Variants in KIFC3 observed in about 807,000 individuals in gnomAD.
The protein encoded by KIFC3 is kinesin family member C3.
A neutral mutation model predicts 101.8 loss-of-function variants in KIFC3; 60 were observed. That is an observed-to-expected ratio of 0.59 (90% CI 0.48 to 0.73). The LOEUF (loss-of-function observed/expected upper bound fraction) is 0.73. KIFC3 is among the 30% of genes least tolerant of loss of function. The pLI, the probability that KIFC3 is intolerant of heterozygous loss-of-function variation, is 0.00. For synonymous variants in KIFC3, 476 were observed against 482.7 expected (o/e 0.99, Z 0.18); for missense variants, 966 against 1,137.1 (o/e 0.85, Z 2.16).
At position 57,766,971 on chromosome 16, in the gene KIFC3, G is replaced by A. The variant is rs374180885; in HGVS notation, c.1233C>T (p.Ile411=). ...CCTGGTTGTTGCTGTTGACCTCCTC[G>A]ATGGCCTGGCCTATCTGGTGGGGGG... is the stretch of plus-strand genomic sequence containing the variant. ...RSVKAEIGQA[I]EEVNSNNQEL... The change falls in exon 10 of 20, where the codon ATC becomes ATT. Residue 411 remains isoleucine, a synonymous_variant. Transcript: ENST00000445690. 7 of 1,612,992 alleles carry A rather than the reference G, an allele frequency of 4.3e-6. No homozygotes were observed. The African/African-American group carries it at 6.7e-5, about 15-fold the overall frequency.
upstream of KIFC3, chr16:57,803,383 C>T: frequency 1.7e-6 from 1 of 577,060 alleles, no homozygotes; most frequent in Non-Finnish European, 3.3e-6. Context: ...CCTCACTCTC[C>T]ACACCCCCGG....
intron 1 of KIFC3, among the ~76,000 whole-genome samples, chr16:57,817,709 C>T (rs2149271462): frequency 6.6e-6 from 1 of 152,238 alleles, no homozygotes; most frequent in South Asian, 2.1e-4. Flanking sequence ...TGCAAAGGCC[C>T]AAAAAGGTTC....
intron 1 of KIFC3, among the ~76,000 whole-genome samples, chr16:57,826,674 A>G (rs2055463106): frequency 6.6e-6 from 1 of 152,344 alleles, no homozygotes; most frequent in Middle Eastern, 3.4e-3. Flanking sequence ...GGAAGAGAAC[A>G]GGTGCAGGAA....
At position 57,769,686 on chromosome 16, in the gene KIFC3, C is replaced by T; in HGVS notation, c.1127G>A (p.Arg376Gln). ...TNLLTLQPAL[R>Q]TLTNDYNGLK... ...CCCATTGTAGTCGTTGGTGAGGGTC[C>T]GCAGTGCCGGCTGCAAGGTCAGCAA... Residue 376 changes from arginine to glutamine, a missense_variant, in exon 9 of 20, where the codon CGG becomes CAG. Transcript: ENST00000445690. The surrounding 1 kb of genome is among the most constrained non-coding windows in gnomAD (Gnocchi z 4.3). 1 of 1,612,584 alleles carries T rather than the reference C, an allele frequency of 6.2e-7. No homozygotes were observed. The highest frequency in any genetic ancestry group is 1.1e-5 in the South Asian group (1 of 91,044).
chr16:57,860,078 A>AAAAT (rs1567349165), intron 1 of KIFC3, among the ~76,000 whole-genome samples: 1 of 146,038 alleles, frequency 6.8e-6, no homozygotes, highest in Non-Finnish European at 1.5e-5. Flanking sequence ...AAAATAAAAT[A>AAAAT]AAATAAAATA....
chr16:57,788,245 AC>A (rs1226109137), intron 3 of KIFC3, among the ~76,000 whole-genome samples: 1 of 152,064 alleles, frequency 6.6e-6, no homozygotes, highest in Non-Finnish European at 1.5e-5. Context: ...TGAGGCTGCC[AC>A]CCTCGCCCTG....
intron 3 of KIFC3, chr16:57,782,077 A>G (rs1320577178): frequency 2.6e-5 from 26 of 985,378 alleles, no homozygotes; most frequent in Admixed American, 6.1e-5. Context: ...GAATTCCAGG[A>G]AAGTCCAAGT....
At position 57,758,338 on chromosome 16, in the gene KIFC3, A is replaced by C. The variant is rs2049380172; in HGVS notation, c.*596T>G. On this transcript the variant is annotated 3_prime_UTR_variant, in exon 20 of 20. Transcript: ENST00000445690. ...CAGCGAGCCAGGCAGGTGAGCGAGC[A>C]GCAGAATCCCCCACCCGCTGGCTGC... is the stretch of plus-strand genomic sequence containing the variant. The C allele has an allele frequency of 3.8e-6, 1 of 266,126 alleles. No individual in the cohort carries two copies. Among genetic ancestry groups the C allele is most frequent in the Non-Finnish European group, 7.4e-6 (1 of 134,972 alleles). The allele number at this position is 266,126 out of a possible 1,614,324, so 16.5% of individuals were successfully genotyped here.
chr16:57,785,383 G>A, intron 3 of KIFC3: 3 of 807,982 alleles, frequency 3.7e-6, no homozygotes, highest in South Asian at 2.2e-5. Context: ...GTAGCCTGGT[G>A]GGGTCAGGTG....
intron 18 of KIFC3, 132 bp from the exon 19 acceptor site, chr16:57,759,285 T>G (rs2049516650): frequency 8.2e-6 from 9 of 1,099,216 alleles, no homozygotes; most frequent in Non-Finnish European, 1.2e-5. Flanking sequence ...AAACAGGGGC[T>G]GGAGCCCTGG....
chr16:57,795,443 G>A (rs2054211252), intron 2 of KIFC3, among the ~76,000 whole-genome samples: 1 of 152,246 alleles, frequency 6.6e-6, no homozygotes, highest in African/African-American at 2.4e-5. Context: ...GCAGGCATCT[G>A]CTCAGCAGGG....
intron 1 of KIFC3, among the ~76,000 whole-genome samples, chr16:57,811,642 G>A (rs371159361): frequency 2.0e-5 from 3 of 152,082 alleles, no homozygotes; most frequent in South Asian, 4.2e-4. Flanking sequence ...GGGGCCAAGC[G>A]GAGTGGCTCA....
At position 57,758,793 on chromosome 16, in the gene KIFC3, T is replaced by C. The variant is rs1555591754; in HGVS notation, c.*141A>G. On this transcript the variant is annotated 3_prime_UTR_variant, in exon 20 of 20. Transcript: ENST00000445690. ...GGGGAGACGGGGCAGAAGAAGAGCC[T>C]CCACTCTCGCCTCTACCTCCGGGGG... 1 of 1,310,928 alleles carries C rather than the reference T, an allele frequency of 7.6e-7. No homozygotes were observed. Among genetic ancestry groups the C allele is most frequent in the African/African-American group, 1.4e-5 (1 of 69,152 alleles). The allele number at this position is 1,310,928 out of a possible 1,614,324, so 81.2% of individuals were successfully genotyped here.
intron 1 of KIFC3, among the ~76,000 whole-genome samples, chr16:57,826,123 G>A (rs1389257735): frequency 1.3e-5 from 2 of 152,246 alleles, no homozygotes; most frequent in African/African-American, 4.8e-5. Context: ...AGTGGCTGGA[G>A]GGTCCTTCCC....
Position 57,820,028 on chromosome 16 carries a change from C to T in KIFC3, c.109-21746G>A, listed in dbSNP as rs191963079. 6.1e-3 allele frequency among the ~76,000 whole-genome samples: 931 copies of T among 151,976 alleles called. 11 individuals carry two copies. The highest frequency in any genetic ancestry group is 0.021 in the African/African-American group (868 of 41,400). ...GGATTACAGGCGCCAGCACCATGCC[C>T]GGCTAATTTTTTGTATTTTTAGTAG... is the stretch of plus-strand genomic sequence containing the variant. On this transcript the variant is annotated intron_variant, in intron 1 of 2. Transcript: ENST00000563028.
At chr16:57,798,380 G>T in intron 1 of KIFC3, 98 bp from the exon 2 acceptor site, 1 of 1,109,106 alleles carries the variant, frequency 9.0e-7, no homozygotes, top group Non-Finnish European at 1.3e-6. Context: ...ACGCCCCACC[G>T]GTCGCTGGTT....
At chr16:57,813,785 G>A (rs2055151296) in intron 1 of KIFC3, 4 of 985,272 alleles carry the variant, frequency 4.1e-6, no homozygotes, top group Non-Finnish European at 4.8e-6. Flanking sequence ...AAGAGAACCG[G>A]GGACTCGGGA....
At chr16:57,833,165 G>C (rs2911345) in intron 1 of KIFC3, among the ~76,000 whole-genome samples, 61,811 of 151,748 alleles carry the variant, frequency 0.41, 15,078 homozygotes, top group African/African-American at 0.68. Flanking sequence ...GAGATCACAC[G>C]ACTGCATTGC....
chr16:57,762,475 C>G (rs2049982644), intron 12 of KIFC3, among the ~76,000 whole-genome samples: 1 of 152,236 alleles, frequency 6.6e-6, no homozygotes, highest in East Asian at 1.9e-4. Flanking sequence ...AATGGCATCG[C>G]CCTGCCAGGA....
Sources: allele counts gnomAD v4.1 joint callset (sites outside exome capture counted in the v4.1 genomes callset), GRCh38; gene constraint gnomAD v4.1.1; non-coding constraint Gnocchi (gnomAD v3.1); transcripts MANE v1.5; gene names NCBI Gene and HGNC (gene_info 2026-07-23, HGNC 2026-07-21).